Variants in TXNRD3 observed in about 807,000 individuals in gnomAD.
The protein encoded by TXNRD3 is thioredoxin reductase 3, also known as TXNRD3 neighbor gene protein.
Under a neutral mutation model 78.2 loss-of-function variants are expected in TXNRD3, and 68 were observed. The observed-to-expected ratio is 0.87, with a 90% CI of 0.72 to 1.06. The LOEUF is 1.06. Ranked by LOEUF, TXNRD3 falls within the 50% of genes least tolerant of loss-of-function variation. The pLI is 0.00. For synonymous variants in TXNRD3, 296 were observed against 300.1 expected (o/e 0.99, Z 0.14); for missense variants, 751 against 809.5 (o/e 0.93, Z 0.88).
chr3:126,622,496 G>C lies in TXNRD3; in HGVS notation c.1335C>G (p.Gly445=). ...TAATTTTGACACCAATCTTCTCCAAGCCTATTTTCCTTGTACAGGAGTCAC... is the reference window on the plus strand; with the variant it reads ...TAATTTTGACACCAATCTTCTCCAACCCTATTTTCCTTGTACAGGAGTCAC... Residue 445 remains glycine, a synonymous_variant, in exon 11 of 16, where the codon GGC becomes GGG. Coordinates refer to ENST00000524230, the MANE Select transcript of TXNRD3 (RefSeq NM_052883.3). 6.5e-7 allele frequency: 1 copy of C among 1,535,590 alleles called. No homozygotes were observed. The highest frequency in any genetic ancestry group is 8.7e-7 in the Non-Finnish European group (1 of 1,146,760).
intron 12 of TXNRD3, among the ~76,000 whole-genome samples, chr3:126,620,522 A>G (rs1938427500): frequency 1.3e-5 from 2 of 152,198 alleles, no homozygotes. Context: ...AAAACAAAAA[A>G]GGAATATGAA....
intron 10 of TXNRD3, chr3:126,624,834 G>T: frequency 4.9e-6 from 1 of 205,088 alleles, no homozygotes; most frequent in South Asian, 9.2e-5. Flanking sequence ...TAACACATGT[G>T]ATGAGGTAGA....
intron 14 of TXNRD3, 66 bp downstream of exon 14, chr3:126,610,971 C>A: frequency 9.4e-7 from 1 of 1,058,240 alleles, no homozygotes; most frequent in East Asian, 2.9e-5. Flanking sequence ...TATAGAAATC[C>A]AAATACTAAA....
intron 10 of TXNRD3, among the ~76,000 whole-genome samples, chr3:126,626,626 G>C (rs1938584985): frequency 6.6e-6 from 1 of 152,144 alleles, no homozygotes. Context: ...GAATGAGAAA[G>C]CCAGATGCCC....
chr3:126,648,795 T>C (rs1168401571), intron 1 of TXNRD3, among the ~76,000 whole-genome samples: 1 of 152,208 alleles, frequency 6.6e-6, no homozygotes, highest in African/African-American at 2.4e-5. Flanking sequence ...ACAATGATTT[T>C]ATGGATATGA....
chr3:126,632,686 A>G (rs1312331865), intron 7 of TXNRD3, among the ~76,000 whole-genome samples: 2 of 151,794 alleles, frequency 1.3e-5, no homozygotes, highest in Non-Finnish European at 2.9e-5. Flanking sequence ...GAAAGAAGCA[A>G]CAACAAAAAA....
chr3:126,615,442 C>A lies in TXNRD3; in HGVS notation c.1545G>T (p.Pro515=), dbSNP rs1025143898. Residue 515 remains proline, a synonymous_variant, in exon 13 of 16, where the codon CCG becomes CCT. Transcript: ENST00000524230. ...ACTCCAGAGGAGTAAACACTGTAGT[C>A]GGAACATTAATATAATCACACTGAA... 2.7e-6 allele frequency: 4 copies of A among 1,504,650 alleles called. No individual in the cohort carries two copies. The highest frequency in any genetic ancestry group is 2.5e-5 in the South Asian group (2 of 78,640). The allele number at this position is 1,504,650 out of a possible 1,614,324, so 93.2% of individuals were successfully genotyped here. A position where few individuals can be genotyped will look rare whatever the true frequency, so the allele number is the denominator to read the frequency against.
chr3:126,644,325 C>T lies in TXNRD3; in HGVS notation c.491G>A (p.Gly164Asp). The T allele has an allele frequency of 1.3e-6, 2 of 1,536,490 alleles. No individual in the cohort carries two copies. Among genetic ancestry groups the T allele is most frequent in the Non-Finnish European group, 1.7e-6 (2 of 1,147,000 alleles). The change falls in exon 4 of 16, where the codon GGT becomes GAT. Residue 164 changes from glycine (G) to aspartate (D), a missense_variant. Coordinates refer to ENST00000524230, the MANE Select transcript of TXNRD3 (RefSeq NM_052883.3). ...CGCACATGAAAGGCCTCCAGAACCA[C>T]CACCGATGATGATGAGATCATAATC...
Position 126,608,481 on chromosome 3 carries a change from A to G in TXNRD3, c.1863+18T>C. The G allele has an allele frequency of 6.6e-7, 1 of 1,511,680 alleles. No individual in the cohort carries two copies. The highest frequency in any genetic ancestry group is 8.8e-7 in the Non-Finnish European group (1 of 1,136,992). 93.6% of individuals were successfully genotyped at this position (1,511,680 alleles called of 1,614,324 possible). On this transcript the variant is annotated intron_variant, in intron 15 of 15. Transcript: ENST00000524230. ...CTACATCAACTGAAGCCAATTTTTA[A>G]AACCTCCTGTTTCCTACCTCCCCAC...
intron 2 of TXNRD3, 146 bp downstream of exon 2, chr3:126,647,090 T>G: frequency 1.8e-6 from 1 of 565,554 alleles, no homozygotes; most frequent in Non-Finnish European, 3.0e-6. Context: ...ACATTAGGGT[T>G]CATTTTCTGC....
rs758992893 is a variant in TXNRD3, at chr3:126,623,851, C to CAA, written c.1291-1312_1291-1311insTT. The stretch of plus-strand genomic sequence containing the variant: ...GGAGGTATTAGCCAGTGAAACAAGG[C>CAA]CAAAAAAAAAAAAAAAAAAGATTAA... On this transcript the variant is annotated intron_variant, in intron 10 of 15. Transcript: ENST00000524230. Among the ~76,000 whole-genome samples, 44 of 89,756 alleles carry CAA rather than the reference C, an allele frequency of 4.9e-4. 2 individuals are homozygous for CAA. The highest frequency in any genetic ancestry group is 1.1e-3 in the African/African-American group (28 of 25,974). The allele number at this position is 89,756 out of a possible 152,430, so 58.9% of individuals were successfully genotyped here. A position where few individuals can be genotyped will look rare whatever the true frequency, so the allele number is the denominator to read the frequency against.
At chr3:126,612,164 A>G (rs554942791) in intron 13 of TXNRD3, among the ~76,000 whole-genome samples, 1 of 152,126 alleles carries the variant, frequency 6.6e-6, no homozygotes, top group African/African-American at 2.4e-5. Flanking sequence ...TCAGTCCCCA[A>G]GTAGCTGGGA....
Position 126,611,023 on chromosome 3 carries a change from G to A in TXNRD3, c.1728+14C>T. The A allele has an allele frequency of 7.3e-7, 1 of 1,376,742 alleles. No individual in the cohort carries two copies. Among genetic ancestry groups the A allele is most frequent in the South Asian group, 1.5e-5 (1 of 66,278 alleles). The allele number at this position is 1,376,742 out of a possible 1,614,324, so 85.3% of individuals were successfully genotyped here. On this transcript the variant is annotated intron_variant, in intron 14 of 15. Coordinates refer to ENST00000524230, the MANE Select transcript of TXNRD3 (RefSeq NM_052883.3). The stretch of plus-strand genomic sequence containing the variant: ...AAAAATCACAGCATTTTGGCTTCTA[G>A]TGGTATTACATACATGGTCGAATTT...
rs1380751691 is a variant in TXNRD3 at position 126,607,814 on chromosome 3, G to A, written c.*91C>T. 9 of 1,063,172 alleles carry A rather than the reference G, an allele frequency of 8.5e-6. No homozygotes were observed. The Admixed American group carries it at 2.2e-4, about 26-fold the overall frequency. The allele number at this position is 1,063,172 out of a possible 1,614,324, so 65.9% of individuals were successfully genotyped here. On this transcript the variant is annotated 3_prime_UTR_variant, in exon 16 of 16. Coordinates refer to ENST00000524230, the MANE Select transcript of TXNRD3 (RefSeq NM_052883.3). ...GCACTGGTCCCTGAGTAACAGAGCA[G>A]CTGTCATGAGCACAGGCTCATTTTA...
chr3:126,654,592 T>C (rs1453313470), intron 1 of TXNRD3, among the ~76,000 whole-genome samples, 156 bp downstream of exon 1: 1 of 151,996 alleles, frequency 6.6e-6, no homozygotes, highest in Non-Finnish European at 1.5e-5. Flanking sequence ...CAAGCCCACC[T>C]CAGGGGACGA....
At position 126,642,292 on chromosome 3, in the gene TXNRD3, T is replaced by G; in HGVS notation, c.593-141A>C. 2 of 1,104,410 alleles carry G rather than the reference T, an allele frequency of 1.8e-6. 1 individual carries two copies. The highest frequency in any genetic ancestry group is 3.7e-5 in the South Asian group (2 of 53,782). 68.4% of individuals were successfully genotyped at this position (1,104,410 alleles called of 1,614,324 possible). On this transcript the variant is annotated intron_variant, in intron 5 of 15. Coordinates refer to ENST00000524230, the MANE Select transcript of TXNRD3 (RefSeq NM_052883.3). ...CCACCCCAAAATAAGACACAAGGGA[T>G]TAACCCAAATTTTCCAACTACGGGT...
chr3:126,643,956 G>A, intron 5 of TXNRD3, 25 bp downstream of exon 5: 1 of 1,529,506 alleles, frequency 6.5e-7, no homozygotes, highest in South Asian at 1.2e-5. Context: ...AGAGCAGAGA[G>A]GAACAACAGA....
chr3:126,626,427 A>G (rs1309962584), intron 10 of TXNRD3, among the ~76,000 whole-genome samples: 1 of 152,258 alleles, frequency 6.6e-6, no homozygotes, highest in East Asian at 1.9e-4. Context: ...CCCAAGATAT[A>G]TAGAAGCCCT....
Position 126,630,822 on chromosome 3 carries a change from T to C in TXNRD3, c.1087A>G (p.Met363Val), listed in dbSNP as rs1016612701. Residue 363 changes from methionine (M) to valine (V), a missense_variant, in exon 9 of 16, where the codon ATG becomes GTG. Coordinates refer to ENST00000524230, the MANE Select transcript of TXNRD3 (RefSeq NM_052883.3). ...CCACGGAGAAGGATTGAGCGTACCA[T>C]AACTGTGACATCTAGGCCAAAGCCA... is the stretch of plus-strand genomic sequence containing the variant. The C allele has an allele frequency of 7.8e-6, 12 of 1,535,596 alleles. No homozygotes were observed. The Admixed American group carries it at 2.2e-4, about 28-fold the overall frequency.
Sources: gnomAD v4.1 joint callset for allele counts (sites outside exome capture counted in the v4.1 genomes callset) on GRCh38, gnomAD v4.1.1 for gene constraint, MANE v1.5 for transcripts, NCBI Gene and HGNC (gene_info 2026-07-23, HGNC 2026-07-21) for gene names.